LINGO2: variants seen among roughly 807,000 people sequenced by gnomAD.
The protein encoded by LINGO2 is leucine rich repeat and Ig domain containing 2.
In LINGO2, 14 loss-of-function variants were observed where a neutral mutation model predicts 30.6. The observed-to-expected ratio is 0.46, with a 90% CI of 0.30 to 0.72. The LOEUF (loss-of-function observed/expected upper bound fraction) is 0.72, where lower values mean the gene tolerates loss of function less well. LINGO2 is among the 30% of genes least tolerant of loss of function. The pLI, the probability that LINGO2 is intolerant of heterozygous loss-of-function variation, is 0.07. For missense variants in LINGO2, 729 were observed against 751.7 expected (o/e 0.97, Z 0.35); for synonymous variants, 317 against 288.5 (o/e 1.10, Z -1.00).
chr9:29,088,878 C>T, the LINGO2 span, among the ~76,000 whole-genome samples: 1 of 152,118 alleles, frequency 6.6e-6, no homozygotes, highest in East Asian at 1.9e-4. Context: ...ACAATATTAA[C>T]ATATGCCTTT....
intron 4 of LINGO2, among the ~76,000 whole-genome samples, chr9:28,138,597 T>C (rs776342882): frequency 1.1e-4 from 16 of 152,196 alleles, no homozygotes; most frequent in African/African-American, 3.1e-4. Flanking sequence ...CTTTGAAAAG[T>C]AGGCATTTTT....
the LINGO2 span, among the ~76,000 whole-genome samples, chr9:28,829,273 G>A: frequency 6.6e-6 from 1 of 152,096 alleles, no homozygotes; most frequent in Non-Finnish European, 1.5e-5. Context: ...TTCCCGCTGA[G>A]AGCCACTTAC....
At chr9:28,354,563 C>A (rs1820082088) in intron 3 of LINGO2, among the ~76,000 whole-genome samples, 1 of 152,154 alleles carries the variant, frequency 6.6e-6, no homozygotes, top group African/African-American at 2.4e-5. Flanking sequence ...TTTCAAAATT[C>A]ATGCTCAAGA....
intron 5 of LINGO2, among the ~76,000 whole-genome samples, chr9:28,008,815 A>G (rs1168515384): frequency 6.6e-6 from 1 of 152,064 alleles, no homozygotes; most frequent in East Asian, 1.9e-4. Flanking sequence ...GAAAGGTTTA[A>G]TACTGTTAAG....
chr9:28,929,374 G>T, the LINGO2 span, among the ~76,000 whole-genome samples: 3 of 152,198 alleles, frequency 2.0e-5, no homozygotes, highest in East Asian at 3.8e-4. Context: ...AAGCACACTG[G>T]AAGAAACAAT....
chr9:28,698,133 T>C, the LINGO2 span, among the ~76,000 whole-genome samples: 1 of 152,042 alleles, frequency 6.6e-6, no homozygotes, highest in Non-Finnish European at 1.5e-5. Context: ...TGTGCACATA[T>C]TCCTGAAGGT....
chr9:28,878,215 T>C, the LINGO2 span, among the ~76,000 whole-genome samples: 4 of 152,036 alleles, frequency 2.6e-5, no homozygotes, highest in Non-Finnish European at 5.9e-5. Flanking sequence ...AACACCTCTA[T>C]GCAAATAAAC....
At chr9:28,388,660 A>G (rs1446969846) in intron 2 of LINGO2, among the ~76,000 whole-genome samples, 2 of 152,160 alleles carry the variant, frequency 1.3e-5, no homozygotes. Context: ...GAGGTTCACA[A>G]GATATGATTT....
chr9:28,549,370 G>A (rs1822148065), intron 1 of LINGO2, among the ~76,000 whole-genome samples: 1 of 152,000 alleles, frequency 6.6e-6, no homozygotes, highest in East Asian at 1.9e-4. Flanking sequence ...TGAATATTGA[G>A]GTTGTTTATT....
In LINGO2 at chr9:28,049,602, C is replaced by T. The variant is rs1192467071; in HGVS notation, c.-86-37197G>A. Among the ~76,000 whole-genome samples the T allele has an allele frequency of 3.3e-5, 5 of 150,552 alleles. 2 individuals carry two copies. Among genetic ancestry groups the T allele is most frequent in the African/African-American group, 9.8e-5 (4 of 40,704 alleles). On this transcript the variant is annotated intron_variant, in intron 4 of 5. Transcript: ENST00000379992. ...AAGTCTAGATTTTACCGCTTATTAG[C>T]TTATTATTCAAATCTTATCTAAAAA...
chr9:29,021,487 C>T, the LINGO2 span, among the ~76,000 whole-genome samples: 1 of 152,046 alleles, frequency 6.6e-6, no homozygotes, highest in Non-Finnish European at 1.5e-5. Flanking sequence ...GAAACCCCAT[C>T]TCTATTAAAA....
chr9:28,571,004 T>C (rs1286118589), intron 1 of LINGO2, among the ~76,000 whole-genome samples: 1 of 151,116 alleles, frequency 6.6e-6, no homozygotes, highest in Non-Finnish European at 1.5e-5. Flanking sequence ...AAATTTAAAA[T>C]GAGAAAGTAA....
intron 2 of LINGO2, among the ~76,000 whole-genome samples, chr9:28,475,658 A>G (rs1825703176): frequency 6.6e-6 from 1 of 152,190 alleles, no homozygotes; most frequent in Non-Finnish European, 1.5e-5. Flanking sequence ...TAACCAGACA[A>G]CAACAATAAT....
the LINGO2 span, among the ~76,000 whole-genome samples, chr9:28,896,845 C>T: frequency 2.6e-5 from 4 of 152,016 alleles, no homozygotes; most frequent in African/African-American, 4.8e-5. Flanking sequence ...TTTTACATAT[C>T]ATCTATAGAA....
intron 4 of LINGO2, among the ~76,000 whole-genome samples, chr9:28,038,285 C>T (rs1034590491): frequency 6.6e-6 from 1 of 152,030 alleles, no homozygotes; most frequent in Non-Finnish European, 1.5e-5. Flanking sequence ...CCAGAAGGGG[C>T]CTCTAATGAG....
chr9:28,829,716 C>T, the LINGO2 span, among the ~76,000 whole-genome samples: 8 of 152,054 alleles, frequency 5.3e-5, no homozygotes, highest in Non-Finnish European at 7.4e-5. Context: ...GGCAAAACTC[C>T]GTCTCTAATG....
At chr9:28,520,200 A>T (rs988083864) in intron 1 of LINGO2, among the ~76,000 whole-genome samples, 1 of 152,166 alleles carries the variant, frequency 6.6e-6, no homozygotes, top group South Asian at 2.1e-4. Context: ...CTTCAGTAGA[A>T]TACTGAGTAG....
At chr9:29,016,376 G>T in the LINGO2 span, among the ~76,000 whole-genome samples, 1,016 of 152,242 alleles carry the variant, frequency 6.7e-3, 3 homozygotes, top group Non-Finnish European at 9.4e-3. Context: ...GAGACCATCA[G>T]TCAAGTGACT....
intron 4 of LINGO2, among the ~76,000 whole-genome samples, chr9:28,086,848 CTTAAATAGCAAGTA>C (rs536875215): frequency 0.029 from 4,466 of 152,142 alleles, 132 homozygotes; most frequent in South Asian, 0.086. Context: ...ACAGGCAAGG[CTTAAATAGCAAGTA>C]TTCTAGATTG....
Sources: allele counts gnomAD v4.1 joint callset (sites outside exome capture counted in the v4.1 genomes callset), GRCh38; gene constraint gnomAD v4.1.1; transcripts MANE v1.5; gene names NCBI Gene and HGNC (gene_info 2026-07-23, HGNC 2026-07-21).